SOCS5: variants seen among roughly 807,000 people sequenced by gnomAD.
SOCS5 encodes the protein suppressor of cytokine signaling 5.
Under a neutral mutation model 42.8 loss-of-function variants are expected in SOCS5, and 32 were observed. The ratio of observed to expected loss-of-function variants is 0.75; its 90% confidence interval spans 0.56 to 1.01. The LOEUF is 1.01. Ranked by LOEUF, SOCS5 falls within the 50% of genes least tolerant of loss-of-function variation. SOCS5 has a pLI of 0.00. For missense variants in SOCS5, 627 were observed against 653.0 expected (o/e 0.96, Z 0.43); for synonymous variants, 283 against 229.6 (o/e 1.23, Z -2.10).
chr2:46,762,909 A>G lies in SOCS5; in HGVS notation c.*2768A>G, dbSNP rs889330651. ...ACACACCTCTCCCTTCCGCATACAT[A>G]TAAGTGTGTATTATATATTTATGTA... On this transcript the variant is annotated 3_prime_UTR_variant, in exon 2 of 2. Transcript: ENST00000394861. 1.2e-5 allele frequency: 2 copies of G among 166,960 alleles called. No individual in the cohort carries two copies. The highest frequency in any genetic ancestry group is 2.4e-5 in the African/African-American group (1 of 41,440). The allele number at this position is 166,960 out of a possible 1,614,324, so 10.3% of individuals were successfully genotyped here. A position where few individuals can be genotyped will look rare whatever the true frequency, so the allele number is the denominator to read the frequency against.
chr2:46,754,313 A>T (rs184175855), intron 1 of SOCS5, among the ~76,000 whole-genome samples: 9 of 152,318 alleles, frequency 5.9e-5, no homozygotes, highest in African/African-American at 1.9e-4. Context: ...TAAAATCCTT[A>T]TAGATCTTTA....
intron 1 of SOCS5, among the ~76,000 whole-genome samples, chr2:46,751,672 A>G (rs1456514518): frequency 1.3e-5 from 2 of 152,162 alleles, no homozygotes; most frequent in Non-Finnish European, 2.9e-5. Flanking sequence ...TGCTCTAGTG[A>G]TCATCCATTT....
intron 1 of SOCS5, among the ~76,000 whole-genome samples, chr2:46,707,108 A>G (rs1672514433): frequency 1.3e-5 from 2 of 152,158 alleles, no homozygotes; most frequent in South Asian, 4.1e-4. Context: ...AAGGTAGAGG[A>G]GGAGAAGTGG....
chr2:46,741,226 C>T (rs1673366863), intron 1 of SOCS5, among the ~76,000 whole-genome samples: 1 of 152,116 alleles, frequency 6.6e-6, no homozygotes, highest in Non-Finnish European at 1.5e-5. Flanking sequence ...TGATCTTTTT[C>T]AAGATCGACT....
At chr2:46,735,422 C>G (rs575945983) in intron 1 of SOCS5, among the ~76,000 whole-genome samples, 2 of 152,182 alleles carry the variant, frequency 1.3e-5, no homozygotes, top group South Asian at 4.1e-4. Flanking sequence ...TAGTCCATGG[C>G]CACAAGGAAG....
chr2:46,758,799 T>C lies in SOCS5; in HGVS notation c.269T>C (p.Val90Ala). Residue 90 changes from valine to alanine, a missense_variant, in exon 2 of 2, where the codon GTT becomes GCT. Val to Ala is a moderately conservative substitution (Grantham distance 64). Around this residue, in one of 3 missense-constraint regions of SOCS5, gnomAD observed 278 missense variants for 246.3 expected, o/e 1.13. Transcript: ENST00000394861. ...QNCATEIPQI[V>A]EISIEKDNDS... ...TGTGCCACAGAAATCCCTCAAATTG[T>C]TGAAATAAGCATCGAAAAGGATAAT... 1.2e-6 allele frequency: 2 copies of C among 1,614,194 alleles called. No homozygotes were observed. The highest frequency in any genetic ancestry group is 1.7e-6 in the Non-Finnish European group (2 of 1,180,022).
chr2:46,726,919 G>A (rs1052336046), intron 1 of SOCS5, among the ~76,000 whole-genome samples: 1 of 151,264 alleles, frequency 6.6e-6, no homozygotes, highest in Non-Finnish European at 1.5e-5. Flanking sequence ...ACCATGCCCG[G>A]CTAATTTTAT....
At chr2:46,708,943 G>C (rs909713337) in intron 1 of SOCS5, among the ~76,000 whole-genome samples, 1 of 142,938 alleles carries the variant, frequency 7.0e-6, no homozygotes, top group Admixed American at 7.3e-5. Flanking sequence ...CTGGTATGCA[G>C]TGGTGCCATC....
intron 1 of SOCS5, among the ~76,000 whole-genome samples, chr2:46,748,259 C>T (rs988272524): frequency 1.3e-5 from 2 of 150,090 alleles, no homozygotes; most frequent in African/African-American, 4.9e-5. Flanking sequence ...GAACTTGGCT[C>T]ACTGCAGCCT....
chr2:46,714,465 A>T (rs1358639884), intron 1 of SOCS5, among the ~76,000 whole-genome samples: 1 of 152,198 alleles, frequency 6.6e-6, no homozygotes, highest in Non-Finnish European at 1.5e-5. Context: ...TTTGATTAGT[A>T]TTTACATGAT....
chr2:46,743,809 C>G (rs1188845593), intron 1 of SOCS5, among the ~76,000 whole-genome samples: 1 of 152,026 alleles, frequency 6.6e-6, no homozygotes, highest in Non-Finnish European at 1.5e-5. Flanking sequence ...TAAACAAAGG[C>G]CTTCCATTTG....
At chr2:46,719,332 C>T (rs953737031) in intron 1 of SOCS5, among the ~76,000 whole-genome samples, 3 of 152,166 alleles carry the variant, frequency 2.0e-5, no homozygotes, top group South Asian at 2.1e-4. Context: ...TTACACTGTA[C>T]GTGTAATATG....
chr2:46,733,660 A>G (rs1232165243), intron 1 of SOCS5, among the ~76,000 whole-genome samples: 2 of 152,178 alleles, frequency 1.3e-5, no homozygotes, highest in African/African-American at 2.4e-5. Context: ...AAAAAAAGCT[A>G]TAACATTCTT....
At chr2:46,724,679 T>C (rs1320695711) in intron 1 of SOCS5, among the ~76,000 whole-genome samples, 2 of 152,076 alleles carry the variant, frequency 1.3e-5, no homozygotes, top group African/African-American at 4.8e-5. Context: ...TTGGAGATTA[T>C]TTCTGTTATT....
intron 1 of SOCS5, among the ~76,000 whole-genome samples, chr2:46,730,974 C>T (rs76658403): frequency 6.6e-6 from 1 of 152,168 alleles, no homozygotes; most frequent in Non-Finnish European, 1.5e-5. Flanking sequence ...GCAGGTGTTA[C>T]TAATTCTCCA....
In SOCS5 at chr2:46,725,975, C is replaced by G. The variant is rs575579899; in HGVS notation, c.-13+26526C>G. Among the ~76,000 whole-genome samples the G allele has an allele frequency of 1.1e-4, 16 of 152,156 alleles. No homozygotes were observed. In the East Asian group the frequency reaches 2.7e-3, roughly 26 times the overall value. ...ATTTATAGGCAGTCAAATTACTATTCCCCTATAAGTAATGCGTCACTTTTT... is the reference window on the plus strand; with the variant it reads ...ATTTATAGGCAGTCAAATTACTATTGCCCTATAAGTAATGCGTCACTTTTT... On this transcript the variant is annotated intron_variant, in intron 1 of 1. Transcript: ENST00000394861.
intron 1 of SOCS5, among the ~76,000 whole-genome samples, chr2:46,713,745 A>G (rs1401419826): frequency 1.3e-5 from 2 of 152,134 alleles, no homozygotes; most frequent in African/African-American, 4.8e-5. Flanking sequence ...AGCTTAGATC[A>G]TTGATTTTCG....
Position 46,762,216 on chromosome 2 carries a change from A to G in SOCS5, c.*2075A>G, listed in dbSNP as rs1673886667. Reference sequence around the variant, plus strand: ...AACCTACTTTAAAGCATTATGTGCAATTAAGTTGTTATGACATAATTATAT... The same window carrying G: ...AACCTACTTTAAAGCATTATGTGCAGTTAAGTTGTTATGACATAATTATAT... On this transcript the variant is annotated 3_prime_UTR_variant, in exon 2 of 2. Coordinates refer to ENST00000394861, the MANE Select transcript of SOCS5 (RefSeq NM_144949.3). 1 of 167,132 alleles carries G rather than the reference A, an allele frequency of 6.0e-6. No homozygotes were observed. The highest frequency in any genetic ancestry group is 2.1e-4 in the South Asian group (1 of 4,832). The allele number at this position is 167,132 out of a possible 1,614,324, so 10.4% of individuals were successfully genotyped here.
At chr2:46,719,532 C>A (rs775187317) in intron 1 of SOCS5, among the ~76,000 whole-genome samples, 14 of 152,112 alleles carry the variant, frequency 9.2e-5, no homozygotes, top group Non-Finnish European at 1.8e-4. Flanking sequence ...CTGCCCACTT[C>A]CTTGCAGGTG....
Sources: allele counts gnomAD v4.1 joint callset (sites outside exome capture counted in the v4.1 genomes callset), GRCh38; gene constraint gnomAD v4.1.1; regional missense constraint gnomAD v4.1.1; transcripts MANE v1.5; gene names NCBI Gene and HGNC (gene_info 2026-07-23, HGNC 2026-07-21).